The following MACF1 variants were observed in gnomAD, a reference collection of about 807,000 sequenced individuals.
MACF1 encodes the protein microtubule actin crosslinking factor 1.
Under a neutral mutation model 854.8 loss-of-function variants are expected in MACF1, and 193 were observed. The ratio of observed to expected loss-of-function variants is 0.23; its 90% CI spans 0.20 to 0.25. The LOEUF (loss-of-function observed/expected upper bound fraction) is 0.25. Among genes scored for constraint, MACF1 ranks in the 10% least tolerant of loss-of-function variants. The pLI is 1.00. For synonymous variants in MACF1, 3,185 were observed against 3,226.7 expected (o/e 0.99, Z 0.44); for missense variants, 7,722 against 8,929.1 (o/e 0.86, Z 5.45).
chr1:39,432,308 A>G (rs1210348699), intron 66 of MACF1, among the ~76,000 whole-genome samples: 1 of 152,220 alleles, frequency 6.6e-6, no homozygotes, highest in East Asian at 1.9e-4. Context: ...TTCTAGCTGT[A>G]GAAACTGAGT....
intron 57 of MACF1, among the ~76,000 whole-genome samples, chr1:39,386,662 C>T (rs1641805187): frequency 6.6e-6 from 1 of 152,204 alleles, no homozygotes; most frequent in African/African-American, 2.4e-5. Context: ...GAACTCTTGA[C>T]CTCGTGATCT....
chr1:39,411,184 A>G, intron 58 of MACF1: 1 of 1,613,160 alleles, frequency 6.2e-7, no homozygotes, highest in Non-Finnish European at 8.5e-7. Flanking sequence ...GCATGTTCTC[A>G]TAACCCCCAG....
rs538485983 is a variant in MACF1 at position 39,372,510 on chromosome 1, C to T, written c.13127C>T (p.Thr4376Ile). 1 of 1,613,498 alleles carries T rather than the reference C, an allele frequency of 6.2e-7. No homozygotes were observed. The highest frequency in any genetic ancestry group is 8.5e-7 in the Non-Finnish European group (1 of 1,179,576). The stretch of plus-strand genomic sequence containing the variant: ...CTAGATGACTGGGCAAGTAAGGGAA[C>T]TCTGGTGGAAGAAATCAATTGCAAA... ...SLLDDWASKG[T>I]LVEEINCKGT... Residue 4376 changes from threonine (T) to isoleucine (I), a missense_variant, in exon 52 of 101, where the codon ACT becomes ATT. Physicochemically the swap from Thr to Ile is moderately conservative, Grantham distance 89. Transcript: ENST00000564288.
chr1:39,467,281 C>T (rs1244817594), intron 95 of MACF1, among the ~76,000 whole-genome samples: 10 of 152,130 alleles, frequency 6.6e-5, no homozygotes, highest in Non-Finnish European at 1.5e-4. Flanking sequence ...AGGAGAATGG[C>T]ATGAACCCAG....
chr1:39,403,845 G>T (rs1168687901), intron 58 of MACF1, among the ~76,000 whole-genome samples: 2 of 151,976 alleles, frequency 1.3e-5, no homozygotes, highest in African/African-American at 2.4e-5. Context: ...TTTGGGCGGG[G>T]GGGCCGGGCT....
At chr1:39,461,356 G>A (rs190455149) in intron 92 of MACF1, among the ~76,000 whole-genome samples, 2 of 152,254 alleles carry the variant, frequency 1.3e-5, no homozygotes, top group Admixed American at 1.3e-4. Context: ...GTGGGTGGTT[G>A]TAATATTATG....
intron 58 of MACF1, chr1:39,412,088 A>G: frequency 6.2e-7 from 1 of 1,613,986 alleles, no homozygotes; most frequent in South Asian, 1.1e-5. Context: ...AACTCTGATC[A>G]CAGGGTTTCT....
chr1:39,289,215 C>G (rs1474785358), intron 15 of MACF1, among the ~76,000 whole-genome samples: 1 of 152,188 alleles, frequency 6.6e-6, no homozygotes, highest in Admixed American at 6.5e-5. Context: ...ATGCAGATCT[C>G]TTTGATACAC....
chr1:39,163,982 G>A (rs1571121119), intron 2 of MACF1, among the ~76,000 whole-genome samples: 1 of 152,080 alleles, frequency 6.6e-6, no homozygotes, highest in Non-Finnish European at 1.5e-5. Flanking sequence ...CTCTATCCAT[G>A]TGTATATAAT....
Position 39,336,666 on chromosome 1 carries a change from CT to C in MACF1, c.10065+25del, listed in dbSNP as rs562176048. On this transcript the variant is annotated intron_variant, in intron 37 of 100. Transcript: ENST00000564288. Reference sequence around the variant, plus strand: ...CAGAGCAACTCAGGTCAGTGGTGTGCTTTTTTTTTTTTCTTCCTAAAGATAC... The same window carrying C: ...CAGAGCAACTCAGGTCAGTGGTGTGCTTTTTTTTTTTCTTCCTAAAGATAC... The C allele has an allele frequency of 0.087, 80,528 of 922,500 alleles. 9 individuals carry two copies. Among genetic ancestry groups the C allele is most frequent in the South Asian group, 0.15 (7,157 of 48,914 alleles). 57.1% of individuals were successfully genotyped at this position (922,500 alleles called of 1,614,324 possible).
intron 58 of MACF1, among the ~76,000 whole-genome samples, chr1:39,415,472 A>T (rs1643259697): frequency 6.7e-6 from 1 of 148,998 alleles, no homozygotes; most frequent in Non-Finnish European, 1.5e-5. Flanking sequence ...AGTAGCTGGG[A>T]CTACAGGCGC....
intron 2 of MACF1, among the ~76,000 whole-genome samples, chr1:39,089,603 G>A (rs1350200279): frequency 6.6e-6 from 1 of 152,132 alleles, no homozygotes; most frequent in Non-Finnish European, 1.5e-5. Flanking sequence ...AGCCATGAGA[G>A]CACTACCTGG....
chr1:39,157,657 C>G (rs1277492465), intron 2 of MACF1, among the ~76,000 whole-genome samples: 4 of 152,200 alleles, frequency 2.6e-5, no homozygotes, highest in African/African-American at 9.7e-5. Context: ...GCCATGCTAT[C>G]TCATTGGCAT....
At chr1:39,481,339 C>T (rs1645007965) in intron 99 of MACF1, among the ~76,000 whole-genome samples, 1 of 152,162 alleles carries the variant, frequency 6.6e-6, no homozygotes, top group South Asian at 2.1e-4. Flanking sequence ...TATAATCAGG[C>T]CTCTTGGAAT....
Position 39,220,239 on chromosome 1 carries a change from A to G in MACF1, c.110-10943A>G, listed in dbSNP as rs973552661. On this transcript the variant is annotated intron_variant, in intron 1 of 100. Coordinates refer to ENST00000564288, the MANE Select transcript of MACF1 (RefSeq NM_001394062.1). The stretch of plus-strand genomic sequence containing the variant: ...TGCCCAGGCTGGAGTGCAGTGGCAC[A>G]ATCTCAGCTCGCAACCTCTGCCTCC... 5.9e-5 allele frequency among the ~76,000 whole-genome samples: 9 copies of G among 151,894 alleles called. No homozygotes were observed. In the South Asian group the frequency reaches 1.5e-3, roughly 25 times the overall value.
chr1:39,122,155 A>G (rs1276866385), intron 2 of MACF1, among the ~76,000 whole-genome samples: 2 of 151,980 alleles, frequency 1.3e-5, no homozygotes, highest in Non-Finnish European at 2.9e-5. Context: ...TATAATTCAC[A>G]TTTCAGACTT....
chr1:39,429,284 C>G lies in MACF1; in HGVS notation c.16846C>G (p.Gln5616Glu). 1 of 1,587,158 alleles carries G rather than the reference C, an allele frequency of 6.3e-7. No individual in the cohort carries two copies. The highest frequency in any genetic ancestry group is 8.7e-7 in the Non-Finnish European group (1 of 1,156,014). Residue 5616 changes from glutamine to glutamate, a missense_variant, in exon 64 of 101, where the codon CAA (glutamine) becomes GAA (glutamate). By Grantham distance (29) the Gln-to-Glu change is conservative (BLOSUM62 2). Coordinates refer to ENST00000564288, the MANE Select transcript of MACF1 (RefSeq NM_001394062.1). Reference protein sequence around the residue: ...EIVNRKKNVDQAIKNGQALLK... With the variant: ...EIVNRKKNVDEAIKNGQALLK... ...TGTTAATAGAAAGAAGAATGTAGAT[C>G]AAGCTATTAAAAATGGTCAGGCTCT...
In MACF1 at chr1:39,282,367, C is replaced by G. The variant is rs780659768; in HGVS notation, c.688C>G (p.Arg230Gly). Residue 230 changes from arginine to glycine, a missense_variant, in exon 7 of 101, where the codon CGA (arginine) becomes GGA (glycine). Arg to Gly is a moderately radical substitution (Grantham distance 125). This residue lies in a region of MACF1 where 108 missense variants were observed against 196.4 expected (regional missense o/e 0.55). Coordinates refer to ENST00000564288, the MANE Select transcript of MACF1 (RefSeq NM_001394062.1). ...GAAGATGTTCAATGCACTCATTCACCGATACCGGTAAGAACAGTGGAATTT... is the reference window on the plus strand; with the variant it reads ...GAAGATGTTCAATGCACTCATTCACGGATACCGGTAAGAACAGTGGAATTT... ...DGKMFNALIHRYRPDLVDMER... is the reference protein window; with the variant it reads ...DGKMFNALIHGYRPDLVDMER... 6.2e-7 allele frequency: 1 copy of G among 1,613,626 alleles called. No homozygotes were observed. Among genetic ancestry groups the G allele is most frequent in the South Asian group, 1.1e-5 (1 of 90,976 alleles).
chr1:39,327,173 T>C (rs371496035), intron 35 of MACF1, 45 bp from the exon 36 acceptor site: 7 of 1,511,670 alleles, frequency 4.6e-6, no homozygotes, highest in East Asian at 2.3e-5. Flanking sequence ...AGTTTGGAGA[T>C]TGTTTTTTTT....
Sources: allele counts gnomAD v4.1 joint callset (sites outside exome capture counted in the v4.1 genomes callset), GRCh38; gene constraint gnomAD v4.1.1; regional missense constraint gnomAD v4.1.1; transcripts MANE v1.5; gene names NCBI Gene and HGNC (gene_info 2026-07-23, HGNC 2026-07-21).